The following KCNQ3 variants were observed in gnomAD, a reference collection of about 807,000 sequenced individuals.
KCNQ3 encodes potassium voltage-gated channel subfamily KQT member 3.
KCNQ3 carries 30 observed loss-of-function variants against 92.5 expected under a neutral mutation model. That is an observed-to-expected ratio of 0.32 (90% CI 0.24 to 0.44). The LOEUF (loss-of-function observed/expected upper bound fraction) is 0.44. Ranked by LOEUF, KCNQ3 falls within the 20% of genes least tolerant of loss-of-function variation. The pLI is 1.00. For synonymous variants in KCNQ3, 450 were observed against 468.8 expected (o/e 0.96, Z 0.52); for missense variants, 913 against 1,140.3 (o/e 0.80, Z 2.87).
chr8:132,347,913 C>T (rs963545054), intron 1 of KCNQ3, among the ~76,000 whole-genome samples: 1 of 145,804 alleles, frequency 6.9e-6, no homozygotes, highest in African/African-American at 2.5e-5. Flanking sequence ...GGAGGCGGAG[C>T]TTGCAGTGAG....
At chr8:132,294,291 G>A (rs775032493) in intron 1 of KCNQ3, among the ~76,000 whole-genome samples, 29 of 152,216 alleles carry the variant, frequency 1.9e-4, no homozygotes, top group Non-Finnish European at 3.2e-4. Context: ...GTGAGCCACC[G>A]TACCTGGCCC....
chr8:132,416,794 G>A (rs866735929), intron 1 of KCNQ3, among the ~76,000 whole-genome samples: 8 of 152,264 alleles, frequency 5.3e-5, no homozygotes, highest in South Asian at 2.1e-4. Flanking sequence ...CTGAGAAAAG[G>A]TGAGCTCGGA....
chr8:132,324,801 G>A (rs1817992893), intron 1 of KCNQ3, among the ~76,000 whole-genome samples: 1 of 152,108 alleles, frequency 6.6e-6, no homozygotes, highest in Admixed American at 6.5e-5. Flanking sequence ...GGCTCCAAAG[G>A]TAGGACCCAG....
chr8:132,224,281 T>C (rs575027221), intron 1 of KCNQ3, among the ~76,000 whole-genome samples: 5 of 152,092 alleles, frequency 3.3e-5, no homozygotes, highest in South Asian at 2.1e-4. Context: ...TTAAAATTTA[T>C]ACTTGCATCC....
At chr8:132,344,300 A>G (rs1818617647) in intron 1 of KCNQ3, among the ~76,000 whole-genome samples, 1 of 152,202 alleles carries the variant, frequency 6.6e-6, no homozygotes, top group Non-Finnish European at 1.5e-5. Context: ...GTGATTTTAT[A>G]AATGCATCAT....
intron 1 of KCNQ3, among the ~76,000 whole-genome samples, chr8:132,281,835 G>C (rs1244901359): frequency 2.0e-5 from 3 of 152,152 alleles, no homozygotes; most frequent in South Asian, 2.1e-4. Context: ...CCCAGGTCCT[G>C]TCAAAGATCA....
intron 1 of KCNQ3, among the ~76,000 whole-genome samples, chr8:132,309,412 T>C (rs909980227): frequency 6.6e-6 from 1 of 152,220 alleles, no homozygotes; most frequent in Non-Finnish European, 1.5e-5. Flanking sequence ...ATTATGCTGA[T>C]TTATTGACAT....
At chr8:132,390,681 C>T (rs765671669) in intron 1 of KCNQ3, among the ~76,000 whole-genome samples, 1 of 152,138 alleles carries the variant, frequency 6.6e-6, no homozygotes, top group Non-Finnish European at 1.5e-5. Flanking sequence ...TCTGGGCCTC[C>T]ATTTCCTCTT....
chr8:132,286,497 A>G (rs1290581132), intron 1 of KCNQ3, among the ~76,000 whole-genome samples: 1 of 152,156 alleles, frequency 6.6e-6, no homozygotes, highest in Non-Finnish European at 1.5e-5. Flanking sequence ...CTGCCATTGT[A>G]TTTTAGAAGT....
chr8:132,200,693 G>C (rs1048645628), intron 1 of KCNQ3, among the ~76,000 whole-genome samples: 1 of 152,114 alleles, frequency 6.6e-6, no homozygotes, highest in Non-Finnish European at 1.5e-5. Flanking sequence ...TTAGCTTAGG[G>C]CCTGCAGTTT....
chr8:132,463,676 T>C (rs952974766), intron 1 of KCNQ3, among the ~76,000 whole-genome samples: 9 of 152,232 alleles, frequency 5.9e-5, no homozygotes, highest in African/African-American at 2.2e-4. Flanking sequence ...TCTACACTTC[T>C]ATTTTCAATG....
intron 1 of KCNQ3, among the ~76,000 whole-genome samples, chr8:132,296,766 C>T (rs1439451853): frequency 2.0e-5 from 3 of 152,102 alleles, no homozygotes; most frequent in Non-Finnish European, 2.9e-5. Flanking sequence ...ATATGTGCCA[C>T]ATTTTCTTAA....
At chr8:132,213,117 G>A (rs1460538705) in intron 1 of KCNQ3, among the ~76,000 whole-genome samples, 2 of 152,010 alleles carry the variant, frequency 1.3e-5, no homozygotes, top group Admixed American at 6.6e-5. Context: ...GGTGTCTAAT[G>A]GACTTCTTCC....
chr8:132,439,627 G>A (rs1021540730), intron 1 of KCNQ3, among the ~76,000 whole-genome samples: 4 of 152,130 alleles, frequency 2.6e-5, no homozygotes, highest in Non-Finnish European at 4.4e-5. Flanking sequence ...TCCAGCAGAG[G>A]AGGGGGCAGA....
chr8:132,142,826 G>A (rs1243362865), intron 9 of KCNQ3, among the ~76,000 whole-genome samples: 1 of 152,320 alleles, frequency 6.6e-6, no homozygotes, highest in South Asian at 2.1e-4. Context: ...TGGGTGCAGT[G>A]TGGAGGTCAT....
chr8:132,465,854 G>A (rs1480669037), intron 1 of KCNQ3, among the ~76,000 whole-genome samples: 1 of 152,194 alleles, frequency 6.6e-6, no homozygotes, highest in Non-Finnish European at 1.5e-5. Flanking sequence ...CGAGGCTGTG[G>A]TGGGCCATGA....
chr8:132,123,435 G>C lies in KCNQ3; in HGVS notation c.*5827C>G, dbSNP rs970491959. ...GGAATCTGGGAGAAGGAACATCATC[G>C]TCTTTCACAGCATGGAAACATCAAT... On this transcript the variant is annotated 3_prime_UTR_variant, in exon 15 of 15. Transcript: ENST00000388996. 6.6e-6 allele frequency: 1 copy of C among 152,196 alleles called. No individual in the cohort carries two copies. The highest frequency in any genetic ancestry group is 1.5e-5 in the Non-Finnish European group (1 of 68,056). 9.4% of individuals were successfully genotyped at this position (152,196 alleles called of 1,614,324 possible).
intron 1 of KCNQ3, among the ~76,000 whole-genome samples, chr8:132,192,800 G>C (rs2019008): frequency 0.68 from 103,862 of 152,036 alleles, 36,214 homozygotes; most frequent in African/African-American, 0.77. Context: ...CAGGCATGCA[G>C]CACTATGCCT....
chr8:132,243,925 C>T (rs1815076002), intron 1 of KCNQ3, among the ~76,000 whole-genome samples: 1 of 152,138 alleles, frequency 6.6e-6, no homozygotes, highest in African/African-American at 2.4e-5. Flanking sequence ...TGTGCCCATC[C>T]TTTACCAAAA....
Sources: gnomAD v4.1 joint callset for allele counts (sites outside exome capture counted in the v4.1 genomes callset) on GRCh38, gnomAD v4.1.1 for gene constraint, MANE v1.5 for transcripts, NCBI Gene and HGNC (gene_info 2026-07-23, HGNC 2026-07-21) for gene names.